The following SYT2 variants were observed in gnomAD, a reference collection of about 807,000 sequenced individuals.
SYT2 encodes the protein synaptotagmin 2.
Under a neutral mutation model 39.9 loss-of-function variants are expected in SYT2, and 15 were observed. The ratio of observed to expected loss-of-function variants is 0.38; its 90% confidence interval spans 0.25 to 0.58. SYT2 has a LOEUF of 0.58. Among genes scored for constraint, SYT2 ranks in the 20% least tolerant of loss-of-function variants. SYT2 has a pLI of 0.70. For missense variants in SYT2, 389 were observed against 530.3 expected, an observed-to-expected ratio of 0.73 and a Z score of 2.62; for synonymous variants, 181 against 204.5, an observed-to-expected ratio of 0.89 and a Z score of 0.98.
intron 1 of SYT2, among the ~76,000 whole-genome samples, chr1:202,655,306 T>C (rs1558450329): frequency 6.6e-6 from 1 of 152,140 alleles, no homozygotes; most frequent in Non-Finnish European, 1.5e-5. Flanking sequence ...CCCAGAATTA[T>C]TCACTACAGG....
rs546884455 is a variant in SYT2, at chr1:202,684,004, T to C, written c.-18+26254A>G. On this transcript the variant is annotated intron_variant, in intron 1 of 8. Coordinates refer to ENST00000367268, the MANE Select transcript of SYT2 (RefSeq NM_177402.5). The stretch of plus-strand genomic sequence containing the variant: ...TTCTGTGTACATATCATATTAACTA[T>C]TTATGTTATATATTATAATACATAT... Among the ~76,000 whole-genome samples the C allele has an allele frequency of 8.5e-5, 13 of 152,066 alleles. No homozygotes were observed. The East Asian group carries it at 2.1e-3, about 25-fold the overall frequency.
chr1:202,647,885 A>G (rs960551999), intron 1 of SYT2, among the ~76,000 whole-genome samples: 7 of 151,458 alleles, frequency 4.6e-5, no homozygotes, highest in Non-Finnish European at 1.0e-4. Context: ...TAGTGCTTGT[A>G]TAGAGCCATA....
rs191116511 is a variant in SYT2, at chr1:202,638,711, C to T, written c.-17-32922G>A. 2.3e-3 allele frequency among the ~76,000 whole-genome samples: 344 copies of T among 152,358 alleles called. 1 individual carries two copies. Among genetic ancestry groups the T allele is most frequent in the African/African-American group, 7.9e-3 (328 of 41,594 alleles). On this transcript the variant is annotated intron_variant, in intron 1 of 8. Coordinates refer to ENST00000367268, the MANE Select transcript of SYT2 (RefSeq NM_177402.5). Reference sequence around the variant, plus strand: ...GTGCTCACACCCGAGGCCCTACACGCTGCAACCTTCCTTTTCAGAAACACT... The same window carrying T: ...GTGCTCACACCCGAGGCCCTACACGTTGCAACCTTCCTTTTCAGAAACACT...
chr1:202,645,724 C>T (rs1184285007), intron 1 of SYT2, among the ~76,000 whole-genome samples: 2 of 152,320 alleles, frequency 1.3e-5, no homozygotes, highest in South Asian at 2.1e-4. Context: ...CTCCAATGTG[C>T]CCTTTCCCCT....
intron 1 of SYT2, among the ~76,000 whole-genome samples, chr1:202,642,667 GGCGC>G (rs1691950073): frequency 6.6e-6 from 1 of 152,240 alleles, no homozygotes; most frequent in African/African-American, 2.4e-5. Flanking sequence ...GCAAGGCGGG[GGCGC>G]TCAGAAAGGC....
intron 1 of SYT2, among the ~76,000 whole-genome samples, chr1:202,690,082 G>A (rs1169196276): frequency 2.6e-5 from 4 of 151,984 alleles, no homozygotes; most frequent in African/African-American, 7.3e-5. Flanking sequence ...ACGCAGCAAC[G>A]GAACAGCTGG....
rs1558437010 is a variant in SYT2 at position 202,626,397 on chromosome 1, G to GTTTTTTTTTTTTTTTTTTT, written c.-17-20609_-17-20608insAAAAAAAAAAAAAAAAAAA. Reference sequence around the variant, plus strand: ...TTGCATCTCCCAAGACAGCCTCTCAGCTTTTTTTTTTTTTTTTTTTTTTTT... The same window carrying GTTTTTTTTTTTTTTTTTTT: ...TTGCATCTCCCAAGACAGCCTCTCAGTTTTTTTTTTTTTTTTTTTCTTTTTTTTTTTTTTTTTTTTTTTT... On this transcript the variant is annotated intron_variant, in intron 1 of 8. Transcript: ENST00000367268. 2.9e-5 allele frequency among the ~76,000 whole-genome samples: 3 copies of GTTTTTTTTTTTTTTTTTTT among 102,432 alleles called. 1 individual carries two copies. Among genetic ancestry groups the GTTTTTTTTTTTTTTTTTTT allele is most frequent in the East Asian group, 6.7e-4 (2 of 2,982 alleles). 67.2% of individuals were successfully genotyped at this position (102,432 alleles called of 152,430 possible). A position where few individuals can be genotyped will look rare whatever the true frequency, so the allele number is the denominator to read the frequency against.
chr1:202,596,996 C>G, intron 8 of SYT2, 33 bp from the exon 9 acceptor site: 2 of 1,596,072 alleles, frequency 1.3e-6, no homozygotes, highest in Non-Finnish European at 1.7e-6. Context: ...AGTTGGCAGA[C>G]AGAGACGTGG....
chr1:202,677,434 A>C (rs1653405614), intron 1 of SYT2, among the ~76,000 whole-genome samples: 1 of 152,226 alleles, frequency 6.6e-6, no homozygotes, highest in African/African-American at 2.4e-5. Context: ...TTATTCTTGG[A>C]GACCAGCCAC....
chr1:202,637,567 G>A (rs928694998), intron 1 of SYT2, among the ~76,000 whole-genome samples: 9 of 152,222 alleles, frequency 5.9e-5, no homozygotes, highest in East Asian at 3.8e-4. Flanking sequence ...CAGCCCAGCC[G>A]AGCAGTGGGG....
At chr1:202,692,990 A>G (rs1363469202) in intron 1 of SYT2, among the ~76,000 whole-genome samples, 1 of 152,236 alleles carries the variant, frequency 6.6e-6, no homozygotes, top group Non-Finnish European at 1.5e-5. Flanking sequence ...TCAGCTTAAA[A>G]TTTTTTAAAA....
chr1:202,635,215 A>G (rs532735016), intron 1 of SYT2, among the ~76,000 whole-genome samples: 34 of 152,184 alleles, frequency 2.2e-4, no homozygotes, highest in Non-Finnish European at 4.7e-4. Flanking sequence ...GTGTTGTCGA[A>G]CTCCTGAAGC....
intron 1 of SYT2, among the ~76,000 whole-genome samples, chr1:202,655,172 G>C (rs895473829): frequency 8.5e-5 from 13 of 152,138 alleles, no homozygotes; most frequent in African/African-American, 2.7e-4. Flanking sequence ...AGTGGGCTTA[G>C]AGGAGGGGTC....
chr1:202,628,335 G>C lies in SYT2; in HGVS notation c.-17-22546C>G, dbSNP rs2149088906. ...CACCAGGACCTGGGAGAGGTCATGA[G>C]ATGTCTGGGGAGCCCAGCCTGCTCT... On this transcript the variant is annotated intron_variant, in intron 1 of 8. Coordinates refer to ENST00000367268, the MANE Select transcript of SYT2 (RefSeq NM_177402.5). The surrounding 1 kb of genome is among the most constrained non-coding windows in gnomAD (Gnocchi z 4.2). Among the ~76,000 whole-genome samples the C allele has an allele frequency of 6.6e-6, 1 of 152,248 alleles. No individual in the cohort carries two copies. Among genetic ancestry groups the C allele is most frequent in the Admixed American group, 6.5e-5 (1 of 15,292 alleles).
Position 202,596,977 on chromosome 1 carries a change from G to T in SYT2, c.1054-14C>A, listed in dbSNP as rs759879778. The T allele has an allele frequency of 5.0e-6, 8 of 1,609,990 alleles. No individual in the cohort carries two copies. The highest frequency in any genetic ancestry group is 6.8e-6 in the Non-Finnish European group (8 of 1,176,856). The stretch of plus-strand genomic sequence containing the variant: ...TACCTGGACTTTCTGCAAGGAAAAC[G>T]AGGGAGGGAGTTGGCAGACAGAGAC... On this transcript the variant is annotated splice_polypyrimidine_tract_variant and intron_variant, in intron 8 of 8. Transcript: ENST00000367268.
intron 1 of SYT2, among the ~76,000 whole-genome samples, chr1:202,647,020 G>C (rs60707755): frequency 1.3e-5 from 2 of 152,158 alleles, no homozygotes; most frequent in South Asian, 4.1e-4. Flanking sequence ...CGTTGGCCTC[G>C]AGCGTCAGCA....
chr1:202,621,287 G>A (rs564973774), intron 1 of SYT2, among the ~76,000 whole-genome samples: 1 of 152,232 alleles, frequency 6.6e-6, no homozygotes, highest in Non-Finnish European at 1.5e-5. Context: ...GGGGGTTTGT[G>A]TGTTTTTAAA....
At chr1:202,619,447 C>T (rs538439615) in intron 1 of SYT2, among the ~76,000 whole-genome samples, 1 of 152,270 alleles carries the variant, frequency 6.6e-6, no homozygotes, top group Admixed American at 6.5e-5. Context: ...GTCTGGGAGG[C>T]CCCAACAAGG....
chr1:202,693,003 T>C (rs541571791), intron 1 of SYT2, among the ~76,000 whole-genome samples: 1 of 152,234 alleles, frequency 6.6e-6, no homozygotes, highest in Non-Finnish European at 1.5e-5. Flanking sequence ...TTTTAAAAAT[T>C]TCAATAGGTT....
Sources: allele counts gnomAD v4.1 joint callset (sites outside exome capture counted in the v4.1 genomes callset), GRCh38; gene constraint gnomAD v4.1.1; non-coding constraint Gnocchi (gnomAD v3.1); transcripts MANE v1.5; gene names NCBI Gene and HGNC (gene_info 2026-07-23, HGNC 2026-07-21).